SNTG1: variants seen among roughly 807,000 people sequenced by gnomAD.
SNTG1 encodes gamma-1-syntrophin.
SNTG1 carries 39 observed loss-of-function variants against 74.7 expected under a neutral mutation model. The observed-to-expected ratio is 0.52, with a 90% CI of 0.40 to 0.68. The LOEUF is 0.68. Among genes scored for constraint, SNTG1 ranks in the 30% least tolerant of loss-of-function variants. The probability of loss-of-function intolerance (pLI) is 0.00; values close to 1 mark genes in which losing one functional copy is unlikely to be tolerated. For synonymous variants in SNTG1, 254 were observed against 217.1 expected (o/e 1.17, Z -1.49); for missense variants, 685 against 609.5 (o/e 1.12, Z -1.30).
chr8:50,274,404 C>T lies in SNTG1; in HGVS notation c.-28+101769C>T, dbSNP rs1008547469. On this transcript the variant is annotated intron_variant, in intron 2 of 18. Coordinates refer to ENST00000642720, the MANE Select transcript of SNTG1 (RefSeq NM_018967.5). ...ACCCGGCAATATATAAATCATGTAC[C>T]CTGCAACCCTCTTATAATTACTTAT... Among the ~76,000 whole-genome samples, 10 of 148,964 alleles carry T rather than the reference C, an allele frequency of 6.7e-5. No homozygotes were observed. In the East Asian group the frequency reaches 8.3e-4, roughly 12 times the overall value.
intron 1 of SNTG1, among the ~76,000 whole-genome samples, chr8:49,924,820 C>G (rs1387145402): frequency 6.6e-6 from 1 of 151,760 alleles, no homozygotes; most frequent in East Asian, 1.9e-4. Context: ...CTTGACTTCT[C>G]AAATGATATT....
At chr8:50,004,331 A>T (rs1815015645) in intron 1 of SNTG1, among the ~76,000 whole-genome samples, 1 of 152,126 alleles carries the variant, frequency 6.6e-6, no homozygotes. Context: ...TTCCTAGTTA[A>T]TTTGGAAAAC....
At chr8:50,523,926 C>T (rs183456132) in intron 9 of SNTG1, among the ~76,000 whole-genome samples, 17 of 152,222 alleles carry the variant, frequency 1.1e-4, no homozygotes, top group Non-Finnish European at 2.1e-4. Context: ...ATCCACTTAA[C>T]CACTTTATCT....
chr8:50,515,322 C>G (rs1156781370), intron 9 of SNTG1, among the ~76,000 whole-genome samples: 1 of 150,538 alleles, frequency 6.6e-6, no homozygotes, highest in East Asian at 1.9e-4. Flanking sequence ...ATACACATAC[C>G]TTAATTTAAA....
chr8:49,916,353 T>C (rs184573000), intron 1 of SNTG1, among the ~76,000 whole-genome samples: 39 of 152,260 alleles, frequency 2.6e-4, no homozygotes, highest in African/African-American at 8.2e-4. Context: ...TTCTACACAC[T>C]GAAAGAGTCA....
intron 18 of SNTG1, among the ~76,000 whole-genome samples, chr8:50,770,741 T>A (rs182396317): frequency 9.1e-4 from 139 of 152,186 alleles, no homozygotes; most frequent in Non-Finnish European, 1.8e-3. Context: ...TAATGCCCTC[T>A]TGTGGGAGTG....
chr8:50,689,020 T>C (rs1364218016), intron 15 of SNTG1, among the ~76,000 whole-genome samples: 1 of 151,164 alleles, frequency 6.6e-6, no homozygotes, highest in African/African-American at 2.4e-5. Flanking sequence ...TTTGAAGCAA[T>C]TGTGAATGGG....
chr8:50,306,893 A>G (rs957125174), intron 2 of SNTG1, among the ~76,000 whole-genome samples: 3 of 151,950 alleles, frequency 2.0e-5, no homozygotes, highest in African/African-American at 7.2e-5. Context: ...AATGTAATGA[A>G]ATCACATTTA....
intron 2 of SNTG1, among the ~76,000 whole-genome samples, chr8:50,220,697 G>A (rs1052664422): frequency 6.6e-6 from 1 of 152,160 alleles, no homozygotes. Context: ...CAGCACAGTA[G>A]GAAGAGGGTT....
rs1406938969 is a variant in SNTG1, at chr8:50,421,056, G to A, written c.163-17487G>A. 2.6e-5 allele frequency among the ~76,000 whole-genome samples: 3 copies of A among 116,802 alleles called. 1 individual carries two copies. The highest frequency in any genetic ancestry group is 3.1e-4 in the East Asian group (1 of 3,278). 76.6% of individuals were successfully genotyped at this position (116,802 alleles called of 152,430 possible). On this transcript the variant is annotated intron_variant, in intron 4 of 18. Transcript: ENST00000642720. The stretch of plus-strand genomic sequence containing the variant: ...AAAAAAGGCGGTGGGCGGGGGAGGG[G>A]GGGGCGAAGATAAAGGGACATTTAA...
At chr8:50,050,486 G>A (rs1400344765) in intron 1 of SNTG1, among the ~76,000 whole-genome samples, 6 of 151,924 alleles carry the variant, frequency 3.9e-5, no homozygotes, top group African/African-American at 1.4e-4. Context: ...AAAGCACCAG[G>A]CTAGATGTGT....
chr8:50,621,441 T>A (rs545488483), intron 13 of SNTG1, among the ~76,000 whole-genome samples: 2 of 152,238 alleles, frequency 1.3e-5, no homozygotes, highest in Non-Finnish European at 2.9e-5. Flanking sequence ...CCTTTTAATA[T>A]TTTGTTCAGA....
intron 2 of SNTG1, among the ~76,000 whole-genome samples, chr8:50,182,637 T>C (rs1166685281): frequency 6.6e-6 from 1 of 152,154 alleles, no homozygotes; most frequent in Non-Finnish European, 1.5e-5. Context: ...TGTCTGTGTG[T>C]GTGCGTGTGT....
intron 1 of SNTG1, among the ~76,000 whole-genome samples, chr8:50,069,247 T>C (rs903116242): frequency 7.2e-5 from 11 of 152,186 alleles, no homozygotes; most frequent in Admixed American, 1.3e-4. Flanking sequence ...CAGGCTCTTG[T>C]AGTTTCCTCC....
chr8:50,023,988 C>T (rs570297888), intron 1 of SNTG1, among the ~76,000 whole-genome samples: 1 of 152,168 alleles, frequency 6.6e-6, no homozygotes, highest in African/African-American at 2.4e-5. Flanking sequence ...ATGGAGAGTT[C>T]ACTAAAATAA....
intron 9 of SNTG1, among the ~76,000 whole-genome samples, chr8:50,527,317 C>A (rs1452625534): frequency 6.6e-6 from 1 of 152,050 alleles, no homozygotes; most frequent in Non-Finnish European, 1.5e-5. Context: ...TTGAGGTTGT[C>A]TTTGTTAGCA....
chr8:49,934,945 A>C (rs1015952530), intron 1 of SNTG1, among the ~76,000 whole-genome samples: 5 of 152,130 alleles, frequency 3.3e-5, no homozygotes, highest in African/African-American at 9.7e-5. Context: ...AATGTTAAAC[A>C]TATTTTCAAA....
chr8:50,782,600 A>C (rs184216558), intron 18 of SNTG1, among the ~76,000 whole-genome samples: 1 of 152,030 alleles, frequency 6.6e-6, no homozygotes, highest in Non-Finnish European at 1.5e-5. Flanking sequence ...CTAGTTATAC[A>C]TTCGTCTAAA....
At chr8:50,198,620 A>G (rs2083868332) in intron 2 of SNTG1, among the ~76,000 whole-genome samples, 1 of 152,196 alleles carries the variant, frequency 6.6e-6, no homozygotes, top group South Asian at 2.1e-4. Flanking sequence ...GCAGCAAAGT[A>G]CAGTAAAGCA....
Sources: allele counts gnomAD v4.1 joint callset (sites outside exome capture counted in the v4.1 genomes callset), GRCh38; gene constraint gnomAD v4.1.1; transcripts MANE v1.5; gene names NCBI Gene and HGNC (gene_info 2026-07-23, HGNC 2026-07-21).